The following PCDH15 variants were observed in gnomAD, a reference collection of about 807,000 sequenced individuals.
PCDH15 encodes the protein protocadherin-15.
A neutral mutation model predicts 178.5 loss-of-function variants in PCDH15; 129 were observed. That is an observed-to-expected ratio of 0.72 (90% CI 0.63 to 0.84). The LOEUF is 0.84. Ranked by LOEUF, PCDH15 falls within the 40% of genes least tolerant of loss-of-function variation. PCDH15 has a pLI of 0.00. For missense variants in PCDH15, 2,230 were observed against 2,099.9 expected (o/e 1.06, Z -1.21); for synonymous variants, 800 against 732.0 (o/e 1.09, Z -1.50).
Position 55,517,512 on chromosome 10 carries a change from G to GA in PCDH15, c.-156+110112_-156+110113insT, listed in dbSNP as rs1841046691. 6.6e-5 allele frequency among the ~76,000 whole-genome samples: 10 copies of GA among 151,986 alleles called. No homozygotes were observed. In the South Asian group the frequency reaches 2.1e-3, roughly 32 times the overall value. ...TACATTTTACTAAAATTATACATTG[G>GA]CATAAAGTTTTAGTAAATAAAAAAT... is the stretch of plus-strand genomic sequence containing the variant. On this transcript the variant is annotated intron_variant, in intron 2 of 5. Coordinates refer to the PCDH15 transcript ENST00000613346.
intron 3 of PCDH15, among the ~76,000 whole-genome samples, chr10:54,865,364 T>C (rs7079654): frequency 0.17 from 26,091 of 152,048 alleles, 2,321 homozygotes; most frequent in Middle Eastern, 0.2. Context: ...CAGTGGCTTG[T>C]GGGGGACGCT....
intron 25 of PCDH15, among the ~76,000 whole-genome samples, chr10:53,928,134 G>A (rs1236401564): frequency 6.6e-6 from 1 of 152,034 alleles, no homozygotes; most frequent in African/African-American, 2.4e-5. Context: ...TGGTGAAGTT[G>A]AGACAATGAA....
At chr10:54,543,756 C>G (rs1003707851) in intron 2 of PCDH15, among the ~76,000 whole-genome samples, 6 of 152,116 alleles carry the variant, frequency 3.9e-5, no homozygotes, top group South Asian at 2.1e-4. Context: ...GCTGTTGAAA[C>G]TGCCTATTCT....
intron 2 of PCDH15, among the ~76,000 whole-genome samples, chr10:55,419,190 G>T (rs1226759726): frequency 1.3e-5 from 2 of 151,672 alleles, no homozygotes; most frequent in Non-Finnish European, 3.0e-5. Flanking sequence ...AGCGAAATGG[G>T]GAGGGAGGCC....
intron 2 of PCDH15, among the ~76,000 whole-genome samples, chr10:55,348,234 C>G (rs993333624): frequency 2.0e-5 from 3 of 152,056 alleles, no homozygotes; most frequent in African/African-American, 7.2e-5. Flanking sequence ...ATTTCACAAG[C>G]CACATTTCAA....
chr10:54,137,259 T>C (rs2133119714), intron 14 of PCDH15, among the ~76,000 whole-genome samples: 1 of 152,274 alleles, frequency 6.6e-6, no homozygotes, highest in East Asian at 1.9e-4. Context: ...AAGAAAAATT[T>C]TATTTTTGTA....
At chr10:54,181,322 G>T (rs2047965791) in intron 13 of PCDH15, among the ~76,000 whole-genome samples, 1 of 151,742 alleles carries the variant, frequency 6.6e-6, no homozygotes. Flanking sequence ...CTTGTCTAAG[G>T]GTCTTCCTTT....
chr10:54,515,343 G>A (rs1009153453), intron 3 of PCDH15, among the ~76,000 whole-genome samples: 14 of 152,206 alleles, frequency 9.2e-5, no homozygotes, highest in South Asian at 2.1e-4. Context: ...CACATGGCTC[G>A]GAGGGTCCTA....
At chr10:54,290,569 C>A (rs914251774) in intron 8 of PCDH15, among the ~76,000 whole-genome samples, 1 of 152,074 alleles carries the variant, frequency 6.6e-6, no homozygotes, top group Non-Finnish European at 1.5e-5. Flanking sequence ...TGTAAATGGG[C>A]TAAATGTCCT....
intron 1 of PCDH15, among the ~76,000 whole-genome samples, chr10:55,245,109 AG>A (rs774341022): frequency 1.3e-5 from 2 of 152,146 alleles, no homozygotes; most frequent in Non-Finnish European, 2.9e-5. Flanking sequence ...CAAAGCTGGT[AG>A]TCAAAGAAAT....
intron 10 of PCDH15, among the ~76,000 whole-genome samples, chr10:54,206,543 T>G (rs1419142717): frequency 2.6e-5 from 4 of 152,088 alleles, no homozygotes; most frequent in Non-Finnish European, 5.9e-5. Flanking sequence ...CCATTCCCAG[T>G]TTTTTGTCAA....
chr10:53,819,470 A>G (rs1053725118), intron 33 of PCDH15, among the ~76,000 whole-genome samples: 1 of 152,016 alleles, frequency 6.6e-6, no homozygotes, highest in Admixed American at 6.6e-5. Flanking sequence ...TGTGCTTTCA[A>G]AACATGACTA....
At chr10:55,114,602 G>A (rs1837586146) in intron 2 of PCDH15, among the ~76,000 whole-genome samples, 1 of 152,196 alleles carries the variant, frequency 6.6e-6, no homozygotes, top group African/African-American at 2.4e-5. Flanking sequence ...ATGAAAGAAA[G>A]TAACGTGGAA....
intron 2 of PCDH15, among the ~76,000 whole-genome samples, chr10:54,938,535 T>G (rs1201205961): frequency 6.6e-6 from 1 of 152,154 alleles, no homozygotes; most frequent in Non-Finnish European, 1.5e-5. Flanking sequence ...TCATAATTTA[T>G]GAAGTAAGGC....
chr10:55,433,613 T>G (rs1237294145), intron 2 of PCDH15, among the ~76,000 whole-genome samples: 2 of 152,196 alleles, frequency 1.3e-5, no homozygotes, highest in African/African-American at 4.8e-5. Context: ...AAGAGACATT[T>G]TCTGTTTTGT....
chr10:55,036,466 T>C (rs1208647517), intron 2 of PCDH15, among the ~76,000 whole-genome samples: 1 of 152,126 alleles, frequency 6.6e-6, no homozygotes, highest in East Asian at 1.9e-4. Flanking sequence ...TCTGGTTCCC[T>C]ACTCTGTAGT....
At chr10:55,362,996 G>A (rs2131980543) in intron 2 of PCDH15, among the ~76,000 whole-genome samples, 1 of 152,266 alleles carries the variant, frequency 6.6e-6, no homozygotes, top group African/African-American at 2.4e-5. Flanking sequence ...TTTTAAGAAA[G>A]TTTACAAATT....
At chr10:55,526,016 T>A (rs755268039) in intron 2 of PCDH15, among the ~76,000 whole-genome samples, 1 of 151,978 alleles carries the variant, frequency 6.6e-6, no homozygotes, top group African/African-American at 2.4e-5. Context: ...TAAATGTGCA[T>A]TTTAAATGTA....
At position 53,914,862 on chromosome 10, in the gene PCDH15, C is replaced by G. The variant is rs183731845; in HGVS notation, c.3374-11492G>C. Reference sequence around the variant, plus strand: ...GTTTAACTTTAGGAAAATATTGACTCTGAAACCATTTTGGAATTTGATGGG... The same window carrying G: ...GTTTAACTTTAGGAAAATATTGACTGTGAAACCATTTTGGAATTTGATGGG... On this transcript the variant is annotated intron_variant, in intron 25 of 37. Coordinates refer to ENST00000644397, the MANE Select transcript of PCDH15 (RefSeq NM_001384140.1). Among the ~76,000 whole-genome samples, 4 of 152,252 alleles carry G rather than the reference C, an allele frequency of 2.6e-5. No individual in the cohort carries two copies. The East Asian group carries it at 7.7e-4, about 29-fold the overall frequency.
Sources: allele counts gnomAD v4.1 joint callset (sites outside exome capture counted in the v4.1 genomes callset), GRCh38; gene constraint gnomAD v4.1.1; transcripts MANE v1.5; gene names NCBI Gene and HGNC (gene_info 2026-07-23, HGNC 2026-07-21).